Variants in MIER1 observed in about 807,000 individuals in gnomAD.
The protein encoded by MIER1 is MIER1 transcriptional regulator, also known as mesoderm induction early response protein 1.
MIER1 carries 40 observed loss-of-function variants against 75.7 expected under a neutral mutation model. The ratio of observed to expected loss-of-function variants is 0.53; its 90% confidence interval spans 0.41 to 0.69. The LOEUF (loss-of-function observed/expected upper bound fraction) is 0.69, where lower values mean the gene tolerates loss of function less well. Among genes scored for constraint, MIER1 ranks in the 30% least tolerant of loss-of-function variants. MIER1 has a pLI of 0.00. For missense variants in MIER1, 574 were observed against 680.2 expected (o/e 0.84, Z 1.74); for synonymous variants, 213 against 223.4 (o/e 0.95, Z 0.42).
At chr1:66,981,533 T>G (rs1665884850) in intron 12 of MIER1, among the ~76,000 whole-genome samples, 1 of 152,202 alleles carries the variant, frequency 6.6e-6, no homozygotes, top group Admixed American at 6.5e-5. Context: ...CTTTACAAGC[T>G]TTAAAATTTC....
Position 66,972,877 on chromosome 1 carries a change from T to A in MIER1, c.1007-20T>A. ...ATTGGGGGAATATTGCTTAACAGTT[T>A]GTTCCTCCCATCTTGTCAGAGGAAT... On this transcript the variant is annotated intron_variant, in intron 10 of 13. Coordinates refer to ENST00000401041, the MANE Select transcript of MIER1 (RefSeq NM_001077700.3). 7.6e-7 allele frequency: 1 copy of A among 1,311,226 alleles called. No homozygotes were observed. Among genetic ancestry groups the A allele is most frequent in the Non-Finnish European group, 1.1e-6 (1 of 914,636 alleles). The allele number at this position is 1,311,226 out of a possible 1,614,324, so 81.2% of individuals were successfully genotyped here.
At chr1:66,947,396 T>C (rs1657911926) in intron 4 of MIER1, 1 of 151,676 alleles carries the variant, frequency 6.6e-6, no homozygotes, top group African/African-American at 2.4e-5. Context: ...TTTTCTCTGC[T>C]TGTTCTTTCC....
At chr1:66,939,344 T>C (rs1655637815) in intron 2 of MIER1, among the ~76,000 whole-genome samples, 1 of 152,144 alleles carries the variant, frequency 6.6e-6, no homozygotes, top group Non-Finnish European at 1.5e-5. Flanking sequence ...TCAAGTTGTT[T>C]GTGGTTAAAT....
chr1:66,932,330 G>T (rs1653622094), intron 2 of MIER1, among the ~76,000 whole-genome samples: 1 of 152,032 alleles, frequency 6.6e-6, no homozygotes, highest in Admixed American at 6.6e-5. Context: ...TTTTTATTTG[G>T]TTTTTAGTGT....
In MIER1 at chr1:66,958,853, G is replaced by A. The variant is rs1423763716; in HGVS notation, c.504G>A (p.Glu168=). ...AAATTTAATTTATTATTCCACAGGA[G>A]GAGAATATAAAGGATTCATCAGGTC... ...DNSGCSGENK[E]ENIKDSSGQE... The change falls in exon 6 of 14, where the codon GAG becomes GAA. Residue 168 remains glutamate, a splice_region_variant and synonymous_variant. Coordinates refer to ENST00000401041, the MANE Select transcript of MIER1 (RefSeq NM_001077700.3). The A allele has an allele frequency of 3.1e-6, 5 of 1,602,104 alleles. No individual in the cohort carries two copies. Among genetic ancestry groups the A allele is most frequent in the African/African-American group, 1.3e-5 (1 of 74,460 alleles).
intron 4 of MIER1, among the ~76,000 whole-genome samples, chr1:66,950,090 A>G (rs566647217): frequency 3.3e-5 from 5 of 152,210 alleles, no homozygotes; most frequent in African/African-American, 1.2e-4. Context: ...TCATTCTCAT[A>G]GTAAATAAAT....
At chr1:66,966,625 T>C (rs1361802062) in intron 8 of MIER1, among the ~76,000 whole-genome samples, 1 of 152,236 alleles carries the variant, frequency 6.6e-6, no homozygotes, top group African/African-American at 2.4e-5. Flanking sequence ...TCTTCCACAA[T>C]GGTTGAACTA....
At chr1:66,953,679 C>G (rs1469263627) in intron 4 of MIER1, among the ~76,000 whole-genome samples, 2 of 151,468 alleles carry the variant, frequency 1.3e-5, no homozygotes, top group East Asian at 3.9e-4. Flanking sequence ...TCTCAGCTCA[C>G]TGCAGCCCCT....
intron 3 of MIER1, among the ~76,000 whole-genome samples, chr1:66,943,879 A>G (rs1477013842): frequency 6.6e-6 from 1 of 152,198 alleles, no homozygotes; most frequent in Non-Finnish European, 1.5e-5. Flanking sequence ...GGAGTCCAGT[A>G]AAAGCATAGG....
At chr1:66,936,441 C>G (rs573801817) in intron 2 of MIER1, among the ~76,000 whole-genome samples, 3 of 151,954 alleles carry the variant, frequency 2.0e-5, no homozygotes, top group Admixed American at 6.5e-5. Context: ...CCATGTTGGC[C>G]AGGCTGGTCT....
chr1:66,933,582 A>G (rs1653968576), intron 2 of MIER1, among the ~76,000 whole-genome samples: 1 of 152,148 alleles, frequency 6.6e-6, no homozygotes, highest in African/African-American at 2.4e-5. Context: ...GGATTATGTT[A>G]AATGTTACTT....
At chr1:66,959,599 G>A in intron 6 of MIER1, 80 bp from the exon 7 acceptor site, 1 of 684,330 alleles carries the variant, frequency 1.5e-6, no homozygotes, top group South Asian at 2.2e-5. Flanking sequence ...CCAAATATTT[G>A]ATGGTAGATG....
At chr1:66,927,848 A>G (rs1010792476) in intron 2 of MIER1, among the ~76,000 whole-genome samples, 3 of 152,136 alleles carry the variant, frequency 2.0e-5, no homozygotes, top group Non-Finnish European at 2.9e-5. Flanking sequence ...TGACTAAAAG[A>G]TCTCTAAGGT....
At chr1:66,937,693 C>T (rs1655245856) in intron 2 of MIER1, among the ~76,000 whole-genome samples, 1 of 152,176 alleles carries the variant, frequency 6.6e-6, no homozygotes, top group South Asian at 2.1e-4. Flanking sequence ...ACCCAAACTT[C>T]CTATATTAAG....
At chr1:66,931,268 C>G (rs1264058186) in intron 2 of MIER1, among the ~76,000 whole-genome samples, 1 of 152,184 alleles carries the variant, frequency 6.6e-6, no homozygotes, top group South Asian at 2.1e-4. Context: ...TAAGTATACG[C>G]TACTGGAACT....
At chr1:66,976,129 G>A (rs1022005907) in intron 11 of MIER1, among the ~76,000 whole-genome samples, 1 of 151,272 alleles carries the variant, frequency 6.6e-6, no homozygotes, top group Non-Finnish European at 1.5e-5. Flanking sequence ...TCAGCCTCCC[G>A]AGTAGCTGGG....
intron 4 of MIER1, chr1:66,946,713 A>G (rs1486293696): frequency 2.0e-6 from 2 of 986,468 alleles, no homozygotes; most frequent in Non-Finnish European, 2.4e-6. Context: ...TCTCCACTAC[A>G]TAAAGTGCTC....
chr1:66,926,187 C>T lies in MIER1; in HGVS notation c.113C>T (p.Thr38Met), dbSNP rs1195000931. 7 of 1,613,820 alleles carry T rather than the reference C, an allele frequency of 4.3e-6. No homozygotes were observed. Among genetic ancestry groups the T allele is most frequent in the Non-Finnish European group, 5.1e-6 (6 of 1,179,826 alleles). Reference sequence around the variant, plus strand: ...TCCCAGTGCCTGGCTGAGTTTCGGACGTGGTTAAGAACCAACTGGTTGAGG... The same window carrying T: ...TCCCAGTGCCTGGCTGAGTTTCGGATGTGGTTAAGAACCAACTGGTTGAGG... ...RFSQCLAEFR[T>M]WLRTNWLRFN... is the part of the protein sequence containing the mutation. The change falls in exon 2 of 14, where the codon ACG (threonine) becomes ATG (methionine). Residue 38 changes from threonine (T) to methionine (M), a missense_variant. Physicochemically the swap from Thr to Met is moderately conservative, Grantham distance 81. This residue lies in a region of MIER1 where 309 missense variants were observed against 352.8 expected (regional missense o/e 0.88). Coordinates refer to ENST00000401041, the MANE Select transcript of MIER1 (RefSeq NM_001077700.3).
intron 2 of MIER1, among the ~76,000 whole-genome samples, chr1:66,934,486 C>T (rs1316547673): frequency 6.7e-6 from 1 of 148,742 alleles, no homozygotes; most frequent in Non-Finnish European, 1.5e-5. Flanking sequence ...CTCACTACAA[C>T]CTCAAACTCC....
Sources: allele counts gnomAD v4.1 joint callset (sites outside exome capture counted in the v4.1 genomes callset), GRCh38; gene constraint gnomAD v4.1.1; regional missense constraint gnomAD v4.1.1; transcripts MANE v1.5; gene names NCBI Gene and HGNC (gene_info 2026-07-23, HGNC 2026-07-21).